The following HCN1 variants were observed in gnomAD, a reference collection of about 807,000 sequenced individuals.
HCN1 encodes the protein hyperpolarization activated cyclic nucleotide gated potassium channel 1, also known as potassium/sodium hyperpolarization-activated cyclic nucleotide-gated channel 1.
In HCN1, 13 loss-of-function variants were observed where a neutral mutation model predicts 78.9. That is an observed-to-expected ratio of 0.16 (90% CI 0.11 to 0.26). The LOEUF is 0.26. Ranked by LOEUF, HCN1 falls within the 10% of genes least tolerant of loss-of-function variation. The pLI is 1.00. For missense variants in HCN1, 810 were observed against 1,154.3 expected (o/e 0.70, Z 4.32); for synonymous variants, 552 against 455.5 (o/e 1.21, Z -2.70).
Position 45,255,837 on chromosome 5 carries a change from A to G in HCN1, c.*6084T>C, listed in dbSNP as rs916707699. ...CTTTCAAGAAAGTCTCTTTGCCTCTACACATCTGAATATTCTCTGTAGAAA... is the reference window on the plus strand; with the variant it reads ...CTTTCAAGAAAGTCTCTTTGCCTCTGCACATCTGAATATTCTCTGTAGAAA... On this transcript the variant is annotated 3_prime_UTR_variant, in exon 8 of 8. Coordinates refer to ENST00000303230, the MANE Select transcript of HCN1 (RefSeq NM_021072.4). The G allele has an allele frequency of 2.0e-5, 3 of 152,144 alleles. No individual in the cohort carries two copies. Among genetic ancestry groups the G allele is most frequent in the South Asian group, 2.1e-4 (1 of 4,828 alleles). 9.4% of individuals were successfully genotyped at this position (152,144 alleles called of 1,614,324 possible).
At position 45,422,680 on chromosome 5, in the gene HCN1, C is replaced by A. The variant is rs377224046; in HGVS notation, c.1012-25970G>T. ...TTAGGGCCCACTTTTCTAAACTAAT[C>A]AAACCATTTCAGAAAACCTTCCAGA... On this transcript the variant is annotated intron_variant, in intron 3 of 7. Transcript: ENST00000303230. Among the ~76,000 whole-genome samples the A allele has an allele frequency of 2.1e-4, 32 of 152,302 alleles. No homozygotes were observed. In the East Asian group the frequency reaches 3.1e-3, roughly 15 times the overall value.
At chr5:45,466,066 G>A (rs984812444) in intron 2 of HCN1, among the ~76,000 whole-genome samples, 2 of 152,026 alleles carry the variant, frequency 1.3e-5, no homozygotes. Flanking sequence ...TTTGCGAATC[G>A]TTCATCATAA....
intron 1 of HCN1, among the ~76,000 whole-genome samples, chr5:45,655,670 T>C (rs1404183318): frequency 6.6e-6 from 1 of 152,120 alleles, no homozygotes; most frequent in Non-Finnish European, 1.5e-5. Flanking sequence ...CTCTATGTCT[T>C]TTGATATAGA....
intron 1 of HCN1, among the ~76,000 whole-genome samples, chr5:45,671,622 T>A (rs1248317410): frequency 6.6e-6 from 1 of 151,452 alleles, no homozygotes; most frequent in East Asian, 1.9e-4. Flanking sequence ...AGTCCTTTGA[T>A]GATTACTTGT....
intron 2 of HCN1, 41 bp downstream of exon 2, chr5:45,645,144 T>C (rs1272334064): frequency 2.8e-6 from 4 of 1,449,732 alleles, no homozygotes; most frequent in Non-Finnish European, 3.9e-6. Context: ...TAATTAACAA[T>C]TTCATGATAT....
intron 5 of HCN1, among the ~76,000 whole-genome samples, chr5:45,346,529 GT>G (rs1363861198): frequency 6.6e-6 from 1 of 152,160 alleles, no homozygotes; most frequent in African/African-American, 2.4e-5. Flanking sequence ...AGTAGGTGCA[GT>G]GCACCATGAG....
chr5:45,694,457 A>C (rs1739967707), intron 1 of HCN1, among the ~76,000 whole-genome samples: 1 of 152,168 alleles, frequency 6.6e-6, no homozygotes, highest in African/African-American at 2.4e-5. Context: ...TGTCATTCAG[A>C]ACTGTGGACA....
At chr5:45,624,338 T>A (rs1580004684) in intron 2 of HCN1, among the ~76,000 whole-genome samples, 1 of 152,272 alleles carries the variant, frequency 6.6e-6, no homozygotes, top group African/African-American at 2.4e-5. Context: ...GGTATATAGC[T>A]GGTTAGAAGT....
chr5:45,420,456 A>T (rs1740204366), intron 3 of HCN1, among the ~76,000 whole-genome samples: 1 of 152,090 alleles, frequency 6.6e-6, no homozygotes, highest in Non-Finnish European at 1.5e-5. Flanking sequence ...GTCTCAGGGG[A>T]ATGTGTGCTT....
intron 2 of HCN1, among the ~76,000 whole-genome samples, chr5:45,512,812 A>G (rs1033784482): frequency 6.6e-6 from 1 of 152,132 alleles, no homozygotes; most frequent in Non-Finnish European, 1.5e-5. Context: ...ACCAACTTAA[A>G]GTAAAGCAAG....
rs1256720723 is a variant in HCN1 at position 45,695,844 on chromosome 5, C to A, written c.250G>T (p.Ala84Ser). Residue 84 changes from alanine (A) to serine (S), a missense_variant, in exon 1 of 8, where the codon GCC becomes TCC. This residue lies in a region of HCN1 where 170 missense variants were observed against 166.8 expected (regional missense o/e 1.02). Coordinates refer to ENST00000303230, the MANE Select transcript of HCN1 (RefSeq NM_021072.4). Reference protein sequence around the residue: ...GEEPAGGFEDAEGPRRQYGFM... With the variant: ...GEEPAGGFEDSEGPRRQYGFM... ...CCGTACTGCCGCCGGGGCCCCTCGGCGTCTTCGAAGCCCCCCGCCGGCTCC... is the reference window on the plus strand; with the variant it reads ...CCGTACTGCCGCCGGGGCCCCTCGGAGTCTTCGAAGCCCCCCGCCGGCTCC... 6.3e-7 allele frequency: 1 copy of A among 1,599,898 alleles called. No individual in the cohort carries two copies. The highest frequency in any genetic ancestry group is 2.3e-5 in the East Asian group (1 of 44,186).
At chr5:45,300,746 T>G (rs989625714) in intron 6 of HCN1, among the ~76,000 whole-genome samples, 1 of 152,100 alleles carries the variant, frequency 6.6e-6, no homozygotes, top group African/African-American at 2.4e-5. Flanking sequence ...TACTTTCATT[T>G]CTTATCCCAT....
intron 5 of HCN1, among the ~76,000 whole-genome samples, chr5:45,310,867 C>T (rs2111916126): frequency 6.6e-6 from 1 of 152,134 alleles, no homozygotes; most frequent in Admixed American, 6.6e-5. Context: ...TTTGCAGGGA[C>T]ATGGATGGAA....
chr5:45,312,058 G>T (rs1343340573), intron 5 of HCN1, among the ~76,000 whole-genome samples: 3 of 152,216 alleles, frequency 2.0e-5, no homozygotes, highest in Non-Finnish European at 2.9e-5. Flanking sequence ...TGTCTTAAAA[G>T]ATGACATGAG....
intron 1 of HCN1, among the ~76,000 whole-genome samples, chr5:45,682,643 CA>C (rs950658967): frequency 2.0e-5 from 3 of 150,714 alleles, no homozygotes; most frequent in Non-Finnish European, 3.0e-5. Flanking sequence ...AACAAACAAA[CA>C]AAAAAAAGCA....
intron 4 of HCN1, among the ~76,000 whole-genome samples, chr5:45,369,310 T>C (rs911650126): frequency 1.3e-5 from 2 of 152,146 alleles, no homozygotes; most frequent in African/African-American, 4.8e-5. Context: ...GTTTCCCCTT[T>C]TGACTGCTCA....
chr5:45,621,088 C>G (rs997220241), intron 2 of HCN1, among the ~76,000 whole-genome samples: 1 of 152,178 alleles, frequency 6.6e-6, no homozygotes, highest in Non-Finnish European at 1.5e-5. Context: ...CACCAGCCTT[C>G]TCAACTCAAA....
chr5:45,657,201 T>C lies in HCN1; in HGVS notation c.426-11593A>G, dbSNP rs561432195. Among the ~76,000 whole-genome samples, 28 of 152,312 alleles carry C rather than the reference T, an allele frequency of 1.8e-4. No homozygotes were observed. In the South Asian group the frequency reaches 5.6e-3, roughly 30 times the overall value. On this transcript the variant is annotated intron_variant, in intron 1 of 7. Coordinates refer to ENST00000303230, the MANE Select transcript of HCN1 (RefSeq NM_021072.4). ...TTCACACCAATCCTACAGCATACTT[T>C]AAGCAGAACTGCCAGTATAGTGAGA... is the stretch of plus-strand genomic sequence containing the variant.
intron 5 of HCN1, among the ~76,000 whole-genome samples, chr5:45,346,229 T>A (rs929101406): frequency 2.0e-5 from 3 of 152,204 alleles, no homozygotes; most frequent in Non-Finnish European, 2.9e-5. Context: ...CAGTTCAACA[T>A]GACAGGTCAT....
Sources: gnomAD v4.1 joint callset for allele counts (sites outside exome capture counted in the v4.1 genomes callset) on GRCh38, gnomAD v4.1.1 for gene constraint, gnomAD v4.1.1 regional missense constraint, MANE v1.5 for transcripts, NCBI Gene and HGNC (gene_info 2026-07-23, HGNC 2026-07-21) for gene names.